KIAA1217: variants seen among roughly 807,000 people sequenced by gnomAD.
The protein encoded by KIAA1217 is sickle tail protein homolog.
Under a neutral mutation model 163.9 loss-of-function variants are expected in KIAA1217, and 88 were observed. The observed-to-expected ratio is 0.54, with a 90% CI of 0.45 to 0.64. The LOEUF (loss-of-function observed/expected upper bound fraction) is 0.64, where lower values mean the gene tolerates loss of function less well. Ranked by LOEUF, KIAA1217 falls within the 30% of genes least tolerant of loss-of-function variation. The pLI, the probability that KIAA1217 is intolerant of heterozygous loss-of-function variation, is 0.00. For missense variants in KIAA1217, 2,372 were observed against 2,475.0 expected, an observed-to-expected ratio of 0.96 and a Z score of 0.88; for synonymous variants, 903 against 923.1, an observed-to-expected ratio of 0.98 and a Z score of 0.39.
chr10:24,484,254 T>A (rs1296215899), intron 6 of KIAA1217, among the ~76,000 whole-genome samples: 3 of 126,246 alleles, frequency 2.4e-5, no homozygotes, highest in African/African-American at 8.9e-5. Flanking sequence ...TTTTTTTTTT[T>A]TTTTTTTTTT....
chr10:23,891,620 G>A (rs2131215943), intron 1 of KIAA1217, among the ~76,000 whole-genome samples: 1 of 152,074 alleles, frequency 6.6e-6, no homozygotes, highest in East Asian at 1.9e-4. Flanking sequence ...CGCCTCATGA[G>A]TCTCTCTACT....
intron 2 of KIAA1217, among the ~76,000 whole-genome samples, chr10:24,150,080 C>T (rs527740243): frequency 2.8e-4 from 43 of 152,204 alleles, no homozygotes; most frequent in African/African-American, 9.4e-4. Flanking sequence ...TGCAATGGCG[C>T]GATCTCAGCT....
At chr10:24,262,226 A>C (rs930193456) in intron 2 of KIAA1217, among the ~76,000 whole-genome samples, 2 of 152,298 alleles carry the variant, frequency 1.3e-5, no homozygotes, top group East Asian at 1.9e-4. Flanking sequence ...AAGGTGAAAT[A>C]GTGGCTGATC....
chr10:23,899,551 A>C (rs954348274), intron 1 of KIAA1217, among the ~76,000 whole-genome samples: 7 of 152,122 alleles, frequency 4.6e-5, no homozygotes, highest in African/African-American at 1.7e-4. Context: ...TGTAACTGCA[A>C]CTTTTTAATT....
At chr10:24,081,283 G>T (rs949727956) in intron 2 of KIAA1217, among the ~76,000 whole-genome samples, 1 of 152,166 alleles carries the variant, frequency 6.6e-6, no homozygotes, top group South Asian at 2.1e-4. Context: ...GAATAGAGAT[G>T]TCTTAAATGG....
rs1419282441 is a variant in KIAA1217 at position 23,740,503 on chromosome 10, T to G, written c.-321+45269T>G. On this transcript the variant is annotated intron_variant, in intron 1 of 18. Coordinates refer to the KIAA1217 transcript ENST00000376462. Reference sequence around the variant, plus strand: ...CCTTACAACTAGCTGGGACTACAGATGCGCACCACCACACCCAGTGAATTT... The same window carrying G: ...CCTTACAACTAGCTGGGACTACAGAGGCGCACCACCACACCCAGTGAATTT... Among the ~76,000 whole-genome samples, 4 of 152,254 alleles carry G rather than the reference T, an allele frequency of 2.6e-5. No homozygotes were observed. In the East Asian group the frequency reaches 7.8e-4, roughly 30 times the overall value.
chr10:23,915,679 A>G (rs947396448), intron 1 of KIAA1217, among the ~76,000 whole-genome samples: 4 of 152,188 alleles, frequency 2.6e-5, no homozygotes, highest in Non-Finnish European at 4.4e-5. Context: ...CAAAGGGTTT[A>G]CTTTAAAATC....
At chr10:23,855,116 T>C (rs2131111696) in intron 1 of KIAA1217, among the ~76,000 whole-genome samples, 1 of 152,342 alleles carries the variant, frequency 6.6e-6, no homozygotes, top group African/African-American at 2.4e-5. Flanking sequence ...GCCTCGATGG[T>C]CTTTACAATT....
chr10:23,724,239 T>C (rs985677153), intron 1 of KIAA1217, among the ~76,000 whole-genome samples: 14 of 152,078 alleles, frequency 9.2e-5, no homozygotes, highest in African/African-American at 3.1e-4. Context: ...ATCCAAACTA[T>C]ATCACCTTGG....
intron 1 of KIAA1217, among the ~76,000 whole-genome samples, chr10:23,698,075 C>T (rs2130693344): frequency 6.6e-6 from 1 of 152,124 alleles, no homozygotes; most frequent in East Asian, 1.9e-4. Flanking sequence ...TCTCTACTTA[C>T]AAAATGAGAT....
At chr10:23,969,079 A>G (rs117791210) in intron 1 of KIAA1217, among the ~76,000 whole-genome samples, 2,983 of 152,186 alleles carry the variant, frequency 0.02, 63 homozygotes, top group Admixed American at 0.064. Flanking sequence ...TTGTTGCCCA[A>G]ACTGGAGTGC....
chr10:24,149,115 G>A (rs934554478), intron 2 of KIAA1217, among the ~76,000 whole-genome samples: 1 of 152,104 alleles, frequency 6.6e-6, no homozygotes, highest in Admixed American at 6.5e-5. Flanking sequence ...TTATTTGATA[G>A]AACTGACAGT....
chr10:24,269,821 G>A (rs948982480), intron 2 of KIAA1217, among the ~76,000 whole-genome samples: 2 of 152,192 alleles, frequency 1.3e-5, no homozygotes, highest in Non-Finnish European at 1.5e-5. Flanking sequence ...GAGTAGCAGA[G>A]TGTCAAGAAC....
intron 1 of KIAA1217, among the ~76,000 whole-genome samples, chr10:23,965,248 T>C (rs1317099675): frequency 6.6e-6 from 1 of 152,258 alleles, no homozygotes; most frequent in African/African-American, 2.4e-5. Flanking sequence ...AACATCATGC[T>C]GCATCCGGAG....
At chr10:24,464,386 ACTT>A (rs778282282) in intron 5 of KIAA1217, among the ~76,000 whole-genome samples, 63 of 152,238 alleles carry the variant, frequency 4.1e-4, no homozygotes, top group Non-Finnish European at 7.5e-4. Context: ...GGTAAACTAG[ACTT>A]CTTCTCGCAT....
At chr10:24,531,317 C>G (rs986101170) in intron 14 of KIAA1217, among the ~76,000 whole-genome samples, 1 of 152,168 alleles carries the variant, frequency 6.6e-6, no homozygotes, top group Non-Finnish European at 1.5e-5. Flanking sequence ...CTCCCTAAGC[C>G]AGATTCTACT....
Position 24,473,339 on chromosome 10 carries a change from C to T in KIAA1217, c.958C>T (p.Pro320Ser). Reference protein sequence around the residue: ...IPNSPPSTPVPHSMPPSPSRI... With the variant: ...IPNSPPSTPVSHSMPPSPSRI... ...AAATTCCCCACCGTCTACTCCAGTG[C>T]CCCATTCCATGCCCCCCTCCCCGTC... The change falls in exon 6 of 21, where the codon CCC becomes TCC. Residue 320 changes from proline to serine, a missense_variant. This residue lies in a region of KIAA1217 where 1,431 missense variants were observed against 1,470.3 expected (regional missense o/e 0.97). Coordinates refer to ENST00000376454, the MANE Select transcript of KIAA1217 (RefSeq NM_019590.5). 1.9e-6 allele frequency: 3 copies of T among 1,594,848 alleles called. No individual in the cohort carries two copies. Among genetic ancestry groups the T allele is most frequent in the Non-Finnish European group, 2.6e-6 (3 of 1,170,342 alleles).
chr10:24,301,141 G>T (rs1440728264), intron 2 of KIAA1217, among the ~76,000 whole-genome samples: 1 of 152,096 alleles, frequency 6.6e-6, no homozygotes, highest in Non-Finnish European at 1.5e-5. Context: ...CTACTTTTGA[G>T]CCCGGCAATC....
At chr10:24,227,677 C>A (rs540519760) in intron 2 of KIAA1217, among the ~76,000 whole-genome samples, 2 of 151,944 alleles carry the variant, frequency 1.3e-5, no homozygotes, top group Non-Finnish European at 2.9e-5. Flanking sequence ...GGACTACAGG[C>A]GCCCGCCACC....
Sources: gnomAD v4.1 joint callset for allele counts (sites outside exome capture counted in the v4.1 genomes callset) on GRCh38, gnomAD v4.1.1 for gene constraint, gnomAD v4.1.1 regional missense constraint, MANE v1.5 for transcripts, NCBI Gene and HGNC (gene_info 2026-07-23, HGNC 2026-07-21) for gene names.